The following ZFYVE9 variants were observed in gnomAD, a reference collection of about 807,000 sequenced individuals.
ZFYVE9 encodes zinc finger FYVE domain-containing protein 9.
A neutral mutation model predicts 126.7 loss-of-function variants in ZFYVE9; 43 were observed. The ratio of observed to expected loss-of-function variants is 0.34; its 90% CI spans 0.27 to 0.44. The LOEUF is 0.44. Ranked by LOEUF, ZFYVE9 falls within the 20% of genes least tolerant of loss-of-function variation. The pLI, the probability that ZFYVE9 is intolerant of heterozygous loss-of-function variation, is 1.00. For synonymous variants in ZFYVE9, 521 were observed against 597.4 expected, an observed-to-expected ratio of 0.87 and a Z score of 1.87; for missense variants, 1,476 against 1,697.0, an observed-to-expected ratio of 0.87 and a Z score of 2.29.
intron 15 of ZFYVE9, 32 bp downstream of exon 15, chr1:52,334,800 A>C (rs181057208): frequency 8.7e-5 from 140 of 1,601,890 alleles, no homozygotes; most frequent in Non-Finnish European, 1.1e-4. Context: ...CCTCATAATA[A>C]GGACTGAACT....
intron 10 of ZFYVE9, among the ~76,000 whole-genome samples, chr1:52,290,095 C>G (rs906248538): frequency 1.3e-5 from 2 of 152,200 alleles, no homozygotes; most frequent in Non-Finnish European, 2.9e-5. Context: ...ATACCACAGA[C>G]TGGATAATAG....
At chr1:52,234,769 CA>C (rs1645258355) in intron 3 of ZFYVE9, among the ~76,000 whole-genome samples, 1 of 152,170 alleles carries the variant, frequency 6.6e-6, no homozygotes, top group African/African-American at 2.4e-5. Flanking sequence ...TTACATCATC[CA>C]GGTGGGCTTT....
At chr1:52,300,102 C>G (rs1312067741) in intron 12 of ZFYVE9, among the ~76,000 whole-genome samples, 1 of 152,172 alleles carries the variant, frequency 6.6e-6, no homozygotes, top group Non-Finnish European at 1.5e-5. Context: ...GTGGTGCTAT[C>G]TGGGGCATCT....
chr1:52,292,103 ACT>A, intron 10 of ZFYVE9, among the ~76,000 whole-genome samples: 1 of 151,754 alleles, frequency 6.6e-6, no homozygotes, highest in Non-Finnish European at 1.5e-5. Flanking sequence ...ACATGGTGAA[ACT>A]CTGTTTCTAC....
intron 2 of ZFYVE9, among the ~76,000 whole-genome samples, chr1:52,231,762 TAC>T (rs1645224625): frequency 6.6e-6 from 1 of 151,922 alleles, no homozygotes; most frequent in Non-Finnish European, 1.5e-5. Context: ...TAGCTGGGAC[TAC>T]AGGCACACGC....
At chr1:52,168,363 C>T (rs916173774) in intron 1 of ZFYVE9, among the ~76,000 whole-genome samples, 2 of 151,732 alleles carry the variant, frequency 1.3e-5, no homozygotes, top group African/African-American at 4.8e-5. Flanking sequence ...GCTACAGGCG[C>T]ACACCACCAC....
intron 1 of ZFYVE9, chr1:52,180,231 C>T: frequency 1.2e-6 from 2 of 1,603,534 alleles, no homozygotes; most frequent in South Asian, 1.1e-5. Flanking sequence ...GATAAATCAG[C>T]ACCTCAGTGG....
chr1:52,309,114 G>C (rs544779228), intron 13 of ZFYVE9, among the ~76,000 whole-genome samples: 1 of 152,180 alleles, frequency 6.6e-6, no homozygotes, highest in Non-Finnish European at 1.5e-5. Flanking sequence ...GGAGATGTTC[G>C]TAAATGTTCA....
intron 13 of ZFYVE9, among the ~76,000 whole-genome samples, chr1:52,309,634 C>G (rs1438158192): frequency 3.9e-5 from 6 of 152,060 alleles, no homozygotes; most frequent in Non-Finnish European, 8.8e-5. Flanking sequence ...AGACTGATGG[C>G]TTTGTGGGAT....
At chr1:52,160,832 AAAC>A (rs1187889297) in intron 1 of ZFYVE9, among the ~76,000 whole-genome samples, 1 of 152,198 alleles carries the variant, frequency 6.6e-6, no homozygotes, top group African/African-American at 2.4e-5. Flanking sequence ...CTGAAATTGA[AAAC>A]AATATTTCAG....
chr1:52,275,365 TTTTTGGTAGAACAATTTA>T (rs1381824759), intron 8 of ZFYVE9, among the ~76,000 whole-genome samples: 2 of 152,220 alleles, frequency 1.3e-5, no homozygotes, highest in African/African-American at 4.8e-5. Flanking sequence ...TACATGTGTC[TTTTTGGTAGAACAATTTA>T]TTTTCTTTTG....
chr1:52,339,111 G>C (rs1395850518), intron 16 of ZFYVE9, among the ~76,000 whole-genome samples: 2 of 152,206 alleles, frequency 1.3e-5, no homozygotes, highest in African/African-American at 4.8e-5. Context: ...TAATCAGAAT[G>C]AATGTGTATC....
chr1:52,191,176 G>A (rs1430242643), intron 1 of ZFYVE9, among the ~76,000 whole-genome samples: 2 of 152,260 alleles, frequency 1.3e-5, no homozygotes, highest in South Asian at 4.2e-4. Flanking sequence ...CTGGACTCAA[G>A]CAGTCCACCT....
chr1:52,345,290 G>A (rs1396957626), intron 18 of ZFYVE9, among the ~76,000 whole-genome samples: 3 of 152,068 alleles, frequency 2.0e-5, no homozygotes, highest in Admixed American at 6.6e-5. Context: ...CTTTAGCTCC[G>A]AGTCACTTGG....
chr1:52,214,233 C>G (rs1026703548), intron 1 of ZFYVE9, among the ~76,000 whole-genome samples: 2 of 152,040 alleles, frequency 1.3e-5, no homozygotes, highest in African/African-American at 4.8e-5. Flanking sequence ...TTGAGACCAG[C>G]CTGGGTAACA....
rs565785132 is a variant in ZFYVE9, at chr1:52,255,520, G to A, written c.2179-8253G>A. 4.0e-5 allele frequency among the ~76,000 whole-genome samples: 6 copies of A among 151,662 alleles called. 1 individual carries two copies. Among genetic ancestry groups the A allele is most frequent in the Middle Eastern group, 6.8e-3 (2 of 294 alleles). ...GAATCGCTTGAACCTGGGAGGCGGC[G>A]GTTGCGGTGAGCCGAGATCGCACCA... On this transcript the variant is annotated intron_variant, in intron 4 of 18. Coordinates refer to ENST00000287727, the MANE Select transcript of ZFYVE9 (RefSeq NM_004799.4).
At chr1:52,263,703 A>G (rs1645603606) in intron 4 of ZFYVE9, 70 bp from the exon 5 acceptor site, 1 of 742,858 alleles carries the variant, frequency 1.3e-6, no homozygotes. Context: ...GTTTGTCAAT[A>G]TTGGTTCACT....
intron 10 of ZFYVE9, among the ~76,000 whole-genome samples, chr1:52,285,849 G>T (rs1645853051): frequency 6.6e-6 from 1 of 152,046 alleles, no homozygotes; most frequent in Non-Finnish European, 1.5e-5. Context: ...AAAGGTTGGA[G>T]GCTACTGTTC....
intron 13 of ZFYVE9, among the ~76,000 whole-genome samples, chr1:52,315,454 G>C (rs551048852): frequency 1.3e-5 from 2 of 152,082 alleles, no homozygotes; most frequent in African/African-American, 2.4e-5. Context: ...ATATTAAATA[G>C]TAATGTATTG....
Sources: allele counts gnomAD v4.1 joint callset (sites outside exome capture counted in the v4.1 genomes callset), GRCh38; gene constraint gnomAD v4.1.1; transcripts MANE v1.5; gene names NCBI Gene and HGNC (gene_info 2026-07-23, HGNC 2026-07-21).